Variants in FAF1 observed in about 807,000 individuals in gnomAD.
FAF1 encodes Fas associated factor 1, also known as FAS-associated factor 1.
A neutral mutation model predicts 92.5 loss-of-function variants in FAF1; 25 were observed. The observed-to-expected ratio is 0.27, with a 90% CI of 0.20 to 0.38. The LOEUF is 0.38. Ranked by LOEUF, FAF1 falls within the 10% of genes least tolerant of loss-of-function variation. The pLI, the probability that FAF1 is intolerant of heterozygous loss-of-function variation, is 1.00. For missense variants in FAF1, 636 were observed against 793.3 expected (o/e 0.80, Z 2.38); for synonymous variants, 234 against 273.2 (o/e 0.86, Z 1.42).
intron 15 of FAF1, among the ~76,000 whole-genome samples, chr1:50,515,868 C>T (rs1340124699): frequency 1.3e-5 from 2 of 152,128 alleles, no homozygotes; most frequent in Non-Finnish European, 2.9e-5. Context: ...TTTGACACTT[C>T]CAAGCTGTAT....
At chr1:50,715,887 G>T (rs1048841198) in intron 6 of FAF1, among the ~76,000 whole-genome samples, 2 of 151,996 alleles carry the variant, frequency 1.3e-5, no homozygotes, top group Non-Finnish European at 2.9e-5. Context: ...TCTAGCACAG[G>T]TATTTTTATA....
In FAF1 at chr1:50,497,540, C is replaced by CTTTT. The variant is rs61258960; in HGVS notation, c.1495-5743_1495-5740dup. Among the ~76,000 whole-genome samples, 22 of 100,508 alleles carry CTTTT rather than the reference C, an allele frequency of 2.2e-4. 1 individual carries two copies. The highest frequency in any genetic ancestry group is 3.8e-4 in the South Asian group (1 of 2,640). The allele number at this position is 100,508 out of a possible 152,430, so 65.9% of individuals were successfully genotyped here. A position where few individuals can be genotyped will look rare whatever the true frequency, so the allele number is the denominator to read the frequency against. On this transcript the variant is annotated intron_variant, in intron 15 of 18. Transcript: ENST00000396153. ...TTAATAGACTTTATTATTCAAAACT[C>CTTTT]TTTTTTTTTTTTTTTTTTTTTTTTT...
intron 2 of FAF1, among the ~76,000 whole-genome samples, chr1:50,833,514 G>C (rs986143253): frequency 1.3e-5 from 2 of 151,964 alleles, no homozygotes; most frequent in African/African-American, 2.4e-5. Context: ...GTTGTTTAGG[G>C]GTTTTATGGA....
rs949510356 is a variant in FAF1, at chr1:50,475,479, G to A, written c.1854C>T (p.Thr618=). Residue 618 remains threonine, a synonymous_variant, in exon 18 of 19, where the codon ACC becomes ACT. Transcript: ENST00000396153. The stretch of plus-strand genomic sequence containing the variant: ...GGGAACTTACGTCTCTCCTAGGAAA[G>A]GTGCTCAGTAACTTGTACTCATCCC... The part of the protein sequence containing the change: ...FPWDEYKLLS[T]FPRRDVTQLD... 3 of 1,613,088 alleles carry A rather than the reference G, an allele frequency of 1.9e-6. No homozygotes were observed. Among genetic ancestry groups the A allele is most frequent in the African/African-American group, 1.3e-5 (1 of 74,880 alleles).
At chr1:50,834,853 T>C (rs183021226) in intron 2 of FAF1, among the ~76,000 whole-genome samples, 78 of 152,266 alleles carry the variant, frequency 5.1e-4, no homozygotes, top group African/African-American at 1.8e-3. Context: ...ATAGTTATAA[T>C]GTAGTTCTAT....
chr1:50,819,369 CT>C (rs1288415288), intron 2 of FAF1, among the ~76,000 whole-genome samples: 2 of 151,004 alleles, frequency 1.3e-5, no homozygotes, highest in Admixed American at 6.6e-5. Flanking sequence ...AATCCCAGCA[CT>C]TTGGGAGATT....
intron 7 of FAF1, among the ~76,000 whole-genome samples, chr1:50,693,237 T>A (rs1441538938): frequency 6.6e-6 from 1 of 152,196 alleles, no homozygotes; most frequent in East Asian, 1.9e-4. Flanking sequence ...TTTCTTTCTG[T>A]CTGGTGTGAG....
intron 7 of FAF1, among the ~76,000 whole-genome samples, chr1:50,659,091 G>A (rs1056908730): frequency 2.6e-5 from 4 of 152,020 alleles, no homozygotes; most frequent in Non-Finnish European, 5.9e-5. Flanking sequence ...ACATAAAAAC[G>A]ATTCTGAAAA....
intron 6 of FAF1, among the ~76,000 whole-genome samples, chr1:50,728,102 C>G (rs1247076035): frequency 6.6e-6 from 1 of 151,982 alleles, no homozygotes; most frequent in African/African-American, 2.4e-5. Context: ...CCTATAGAAC[C>G]CTGACTAATA....
intron 2 of FAF1, among the ~76,000 whole-genome samples, chr1:50,840,919 A>T (rs1365659680): frequency 6.6e-6 from 1 of 152,084 alleles, no homozygotes; most frequent in African/African-American, 2.4e-5. Context: ...CGGTCAAGAA[A>T]AAAATGATCA....
At chr1:50,824,017 G>A (rs1000445390) in intron 2 of FAF1, among the ~76,000 whole-genome samples, 3 of 151,978 alleles carry the variant, frequency 2.0e-5, no homozygotes, top group African/African-American at 7.2e-5. Flanking sequence ...ATGTGTTCTG[G>A]AAAATTATAA....
chr1:50,894,328 A>C (rs1050120595), intron 1 of FAF1, among the ~76,000 whole-genome samples: 3 of 150,014 alleles, frequency 2.0e-5, no homozygotes, highest in Non-Finnish European at 4.4e-5. Context: ...AAAAAAAAAA[A>C]AACTCCAAGG....
In FAF1 at chr1:50,606,076, T is replaced by C. The variant is rs564449031; in HGVS notation, c.745-9860A>G. ...TGAAAAAATATGTAGCATAGTGGAC[T>C]AGATTTTCAACTTTAAAAAAATAAA... is the stretch of plus-strand genomic sequence containing the variant. On this transcript the variant is annotated intron_variant, in intron 8 of 18. Coordinates refer to ENST00000396153, the MANE Select transcript of FAF1 (RefSeq NM_007051.3). Among the ~76,000 whole-genome samples the C allele has an allele frequency of 2.6e-5, 4 of 152,326 alleles. No homozygotes were observed. The South Asian group carries it at 8.3e-4, about 32-fold the overall frequency.
intron 7 of FAF1, among the ~76,000 whole-genome samples, chr1:50,700,807 T>A (rs939620940): frequency 6.6e-6 from 1 of 152,064 alleles, no homozygotes; most frequent in Non-Finnish European, 1.5e-5. Flanking sequence ...CAAATACTTA[T>A]ATGGGCCAAA....
chr1:50,506,633 G>A (rs553733142), intron 15 of FAF1, among the ~76,000 whole-genome samples: 10 of 152,160 alleles, frequency 6.6e-5, no homozygotes, highest in African/African-American at 1.9e-4. Flanking sequence ...GTACTTAGCT[G>A]GGACACTTTT....
intron 1 of FAF1, among the ~76,000 whole-genome samples, chr1:50,900,470 G>C (rs1262814818): frequency 5.3e-5 from 8 of 152,090 alleles, no homozygotes; most frequent in Non-Finnish European, 7.4e-5. Context: ...TGGATGGATA[G>C]AAGCAATTTT....
intron 1 of FAF1, among the ~76,000 whole-genome samples, chr1:50,916,438 C>T (rs1315877248): frequency 6.6e-6 from 1 of 152,136 alleles, no homozygotes; most frequent in Non-Finnish European, 1.5e-5. Flanking sequence ...ACAAACACCT[C>T]GATTTCATAA....
Position 50,565,436 on chromosome 1 carries a change from A to G in FAF1, c.1268+1641T>C, listed in dbSNP as rs371056282. Among the ~76,000 whole-genome samples the G allele has an allele frequency of 1.2e-4, 18 of 152,164 alleles. No homozygotes were observed. In the South Asian group the frequency reaches 3.7e-3, roughly 32 times the overall value. ...AAATAGCTCTAAAGCCTTAAACAAC[A>G]CCTTTATTTAGTGTTTTTAAAAAAG... On this transcript the variant is annotated intron_variant, in intron 13 of 18. Transcript: ENST00000396153.
At chr1:50,746,385 C>T (rs902271001) in intron 4 of FAF1, among the ~76,000 whole-genome samples, 2 of 141,140 alleles carry the variant, frequency 1.4e-5, no homozygotes, top group East Asian at 2.2e-4. Context: ...CTCACCACAA[C>T]CTCTGCCTCC....
Sources: allele counts gnomAD v4.1 joint callset (sites outside exome capture counted in the v4.1 genomes callset), GRCh38; gene constraint gnomAD v4.1.1; transcripts MANE v1.5; gene names NCBI Gene and HGNC (gene_info 2026-07-23, HGNC 2026-07-21).